ADAMTS6: variants seen among roughly 807,000 people sequenced by gnomAD.
The protein encoded by ADAMTS6 is A disintegrin and metalloproteinase with thrombospondin motifs 6.
In ADAMTS6, 23 loss-of-function variants were observed where a neutral mutation model predicts 144.3. The observed-to-expected ratio is 0.16, with a 90% CI of 0.11 to 0.23. ADAMTS6 has a LOEUF of 0.23. Ranked by LOEUF, ADAMTS6 falls within the 10% of genes least tolerant of loss-of-function variation. The probability of loss-of-function intolerance (pLI) is 1.00; values close to 1 mark genes in which losing one functional copy is unlikely to be tolerated. For synonymous variants in ADAMTS6, 444 were observed against 457.5 expected (o/e 0.97, Z 0.38); for missense variants, 999 against 1,379.6 (o/e 0.72, Z 4.37).
rs529734520 is a variant in ADAMTS6 at position 65,346,739 on chromosome 5, C to G, written c.1074-12654G>C. On this transcript the variant is annotated intron_variant, in intron 7 of 24. Coordinates refer to ENST00000381055, the MANE Select transcript of ADAMTS6 (RefSeq NM_197941.4). ...CGTCTCTGCTTTCTGGTAATATGATCTAACATATAGAAAACTCTAAAAAAC... is the reference window on the plus strand; with the variant it reads ...CGTCTCTGCTTTCTGGTAATATGATGTAACATATAGAAAACTCTAAAAAAC... Among the ~76,000 whole-genome samples the G allele has an allele frequency of 3.3e-5, 5 of 151,810 alleles. No homozygotes were observed. In the South Asian group the frequency reaches 1.0e-3, roughly 31 times the overall value.
intron 20 of ADAMTS6, among the ~76,000 whole-genome samples, chr5:65,212,486 A>G (rs1025838759): frequency 6.9e-6 from 1 of 145,984 alleles, no homozygotes; most frequent in Non-Finnish European, 1.5e-5. Flanking sequence ...TCTCAATGCA[A>G]GTGTTATGGA....
chr5:65,409,890 CA>C (rs1258794442), intron 7 of ADAMTS6, among the ~76,000 whole-genome samples: 2 of 152,140 alleles, frequency 1.3e-5, no homozygotes, highest in Non-Finnish European at 2.9e-5. Flanking sequence ...GAACCAAAGA[CA>C]AAAACTACAT....
chr5:65,198,621 CA>C (rs753348451), intron 20 of ADAMTS6: 2 of 167,054 alleles, frequency 1.2e-5, no homozygotes, highest in Non-Finnish European at 2.9e-5. Context: ...GCTTCCATGA[CA>C]GTGGTGAGCA....
At chr5:65,333,147 CTT>C (rs1291135783) in intron 8 of ADAMTS6, among the ~76,000 whole-genome samples, 6 of 152,058 alleles carry the variant, frequency 3.9e-5, no homozygotes, top group African/African-American at 1.4e-4. Flanking sequence ...AAAATTGAGA[CTT>C]GTCATAGAGA....
chr5:65,378,801 A>G (rs2150131752), intron 7 of ADAMTS6, among the ~76,000 whole-genome samples: 1 of 152,256 alleles, frequency 6.6e-6, no homozygotes, highest in South Asian at 2.1e-4. Context: ...TTAAGCTTCT[A>G]ACTCTGAATA....
At chr5:65,183,415 TTTA>T (rs999862048) in intron 22 of ADAMTS6, among the ~76,000 whole-genome samples, 2 of 151,940 alleles carry the variant, frequency 1.3e-5, no homozygotes, top group Non-Finnish European at 2.9e-5. Flanking sequence ...ATATTTTAAT[TTTA>T]TTATTATTAT....
chr5:65,326,105 A>G (rs1023539717), intron 9 of ADAMTS6, among the ~76,000 whole-genome samples: 1 of 152,122 alleles, frequency 6.6e-6, no homozygotes, highest in Non-Finnish European at 1.5e-5. Context: ...CCAAAAAATG[A>G]GTATTTTTAA....
At chr5:65,459,293 A>T (rs944689339) in intron 4 of ADAMTS6, among the ~76,000 whole-genome samples, 3 of 152,062 alleles carry the variant, frequency 2.0e-5, no homozygotes, top group African/African-American at 7.2e-5. Flanking sequence ...TCTAAAACAC[A>T]AATCTGATTA....
chr5:65,246,952 G>A (rs1284696487), intron 14 of ADAMTS6, among the ~76,000 whole-genome samples: 1 of 152,130 alleles, frequency 6.6e-6, no homozygotes, highest in East Asian at 1.9e-4. Context: ...GTTTTGTTTA[G>A]GAATAGTAGA....
At chr5:65,453,647 AG>A (rs1758937187) in intron 4 of ADAMTS6, among the ~76,000 whole-genome samples, 1 of 152,214 alleles carries the variant, frequency 6.6e-6, no homozygotes, top group South Asian at 2.1e-4. Context: ...TCTTCAGTAT[AG>A]AAGCAGCCTT....
chr5:65,419,997 A>G (rs1580665722), intron 7 of ADAMTS6, among the ~76,000 whole-genome samples: 1 of 152,184 alleles, frequency 6.6e-6, no homozygotes. Context: ...GTAATTTATA[A>G]CGGAAAGAGG....
chr5:65,327,666 C>A (rs1215895880), intron 9 of ADAMTS6, among the ~76,000 whole-genome samples: 1 of 152,094 alleles, frequency 6.6e-6, no homozygotes, highest in Admixed American at 6.6e-5. Context: ...AAAGGATTTA[C>A]CTATAAGGCC....
chr5:65,332,127 CTTTA>C (rs1746784572), intron 8 of ADAMTS6, among the ~76,000 whole-genome samples: 1 of 151,216 alleles, frequency 6.6e-6, no homozygotes, highest in South Asian at 2.1e-4. Flanking sequence ...TCTCAAAATA[CTTTA>C]TTTATCAAAA....
intron 13 of ADAMTS6, 83 bp from the exon 14 acceptor site, chr5:65,260,746 C>A (rs1761127109): frequency 1.0e-6 from 1 of 1,004,208 alleles, no homozygotes; most frequent in Admixed American, 2.4e-5. Context: ...TGAAAACATA[C>A]TAAAGTTTAC....
At chr5:65,210,778 A>G (rs1291195066) in intron 20 of ADAMTS6, 2 of 613,326 alleles carry the variant, frequency 3.3e-6, no homozygotes, top group East Asian at 3.1e-5. Context: ...AGATGCTTAC[A>G]AGAAACAGTT....
chr5:65,247,778 C>T (rs1759760757), intron 14 of ADAMTS6, among the ~76,000 whole-genome samples: 1 of 152,146 alleles, frequency 6.6e-6, no homozygotes, highest in African/African-American at 2.4e-5. Flanking sequence ...TTCTGTTCAT[C>T]TGCTTCCTTT....
Position 65,436,683 on chromosome 5 carries a change from A to T in ADAMTS6, c.1073+14792T>A, listed in dbSNP as rs185486209. The stretch of plus-strand genomic sequence containing the variant: ...AAACCTGTCTCTACTAAAAATATTT[A>T]AAAAAAACCAAAAAACAAAAAACAA... On this transcript the variant is annotated intron_variant, in intron 7 of 24. Coordinates refer to ENST00000381055, the MANE Select transcript of ADAMTS6 (RefSeq NM_197941.4). Among the ~76,000 whole-genome samples the T allele has an allele frequency of 4.7e-3, 656 of 139,618 alleles. 7 individuals are homozygous for T. Among genetic ancestry groups the T allele is most frequent in the South Asian group, 0.019 (79 of 4,144 alleles). The allele number at this position is 139,618 out of a possible 152,430, so 91.6% of individuals were successfully genotyped here. A position where few individuals can be genotyped will look rare whatever the true frequency, so the allele number is the denominator to read the frequency against.
At chr5:65,295,425 ATCT>A (rs1742741000) in intron 10 of ADAMTS6, among the ~76,000 whole-genome samples, 1 of 152,054 alleles carries the variant, frequency 6.6e-6, no homozygotes, top group South Asian at 2.1e-4. Context: ...TTATATACAA[ATCT>A]TCTCATCAAA....
chr5:65,248,430 A>G (rs1759830965), intron 14 of ADAMTS6, among the ~76,000 whole-genome samples: 1 of 152,186 alleles, frequency 6.6e-6, no homozygotes, highest in Non-Finnish European at 1.5e-5. Context: ...AGTTACTTGT[A>G]TATGCCTTAA....
Sources: allele counts gnomAD v4.1 joint callset (sites outside exome capture counted in the v4.1 genomes callset), GRCh38; gene constraint gnomAD v4.1.1; transcripts MANE v1.5; gene names NCBI Gene and HGNC (gene_info 2026-07-23, HGNC 2026-07-21).